PTPRA: variants seen among roughly 807,000 people sequenced by gnomAD.
PTPRA encodes protein tyrosine phosphatase receptor type A.
A neutral mutation model predicts 104.8 loss-of-function variants in PTPRA; 25 were observed. That is an observed-to-expected ratio of 0.24 (90% confidence interval 0.17 to 0.33). The LOEUF (loss-of-function observed/expected upper bound fraction) is 0.33, where lower values mean the gene tolerates loss of function less well. PTPRA is among the 10% of genes least tolerant of loss of function. The pLI is 1.00. For missense variants in PTPRA, 765 were observed against 1,015.3 expected, an observed-to-expected ratio of 0.75 and a Z score of 3.35; for synonymous variants, 323 against 368.9, an observed-to-expected ratio of 0.88 and a Z score of 1.43.
At chr20:2,988,172 C>T in intron 8 of PTPRA, 67 bp downstream of exon 8, 3 of 1,522,132 alleles carry the variant, frequency 2.0e-6, no homozygotes, top group Non-Finnish European at 2.7e-6. Flanking sequence ...AGGAGTTTCT[C>T]CATCCTTTTA....
At position 2,923,681 on chromosome 20, in the gene PTPRA, C is replaced by G. The variant is rs150146649; in HGVS notation, c.-50+396C>G. 3.0e-3 allele frequency among the ~76,000 whole-genome samples: 457 copies of G among 152,192 alleles called. 6 individuals carry two copies. The South Asian group carries it at 0.044, about 15-fold the overall frequency. On this transcript the variant is annotated intron_variant, in intron 2 of 23. Coordinates refer to ENST00000399903, the MANE Select transcript of PTPRA (RefSeq NM_001385305.1). The stretch of plus-strand genomic sequence containing the variant: ...AGATGTGGTGGCATGTGCCTGTAAT[C>G]CCAGCTACTCGGGAGGCTGAAGCAG...
At chr20:2,869,976 A>AT (rs1370374825), upstream of PTPRA, among the ~76,000 whole-genome samples, 36 of 150,950 alleles carry the variant, frequency 2.4e-4, no homozygotes, top group African/African-American at 7.8e-4. Flanking sequence ...TCTGTCTTAA[A>AT]AATATATATA....
upstream of PTPRA, among the ~76,000 whole-genome samples, chr20:2,869,936 T>A (rs1303583858): frequency 6.6e-6 from 1 of 151,322 alleles, no homozygotes; most frequent in Non-Finnish European, 1.5e-5. Context: ...AATGGCGCCA[T>A]TGCACTCCAG....
intron 9 of PTPRA, among the ~76,000 whole-genome samples, chr20:2,989,832 A>G (rs1310845798): frequency 6.6e-5 from 10 of 152,116 alleles, no homozygotes; most frequent in East Asian, 1.9e-4. Flanking sequence ...CCTGGCTAAC[A>G]CAGTGAAACC....
chr20:2,986,974 A>AT (rs546375215), intron 7 of PTPRA, 125 bp downstream of exon 7: 180 of 838,844 alleles, frequency 2.1e-4, no homozygotes, highest in Non-Finnish European at 3.1e-4. Flanking sequence ...GGAATGACCC[A>AT]TGATAGTGCT....
At chr20:3,002,720 G>A (rs1021552916) in intron 9 of PTPRA, among the ~76,000 whole-genome samples, 3 of 152,046 alleles carry the variant, frequency 2.0e-5, no homozygotes, top group Admixed American at 2.0e-4. Flanking sequence ...CTCCTCTCTA[G>A]TCCATTTTCC....
At chr20:2,868,531 T>C (rs1460940100), upstream of PTPRA, among the ~76,000 whole-genome samples, 4 of 148,636 alleles carry the variant, frequency 2.7e-5, no homozygotes, top group Admixed American at 6.8e-5. Context: ...GGAATCACAA[T>C]CTGGCACAGC....
Position 2,969,242 on chromosome 20 carries a change from G to T in PTPRA, c.415+4040G>T, listed in dbSNP as rs771182565. Reference sequence around the variant, plus strand: ...AAAAAAAATCAGTGACAAGTAAAAAGGTAGAATACCTTTTTTTTTTTCTTT... The same window carrying T: ...AAAAAAAATCAGTGACAAGTAAAAATGTAGAATACCTTTTTTTTTTTCTTT... On this transcript the variant is annotated intron_variant, in intron 5 of 23. Transcript: ENST00000399903. Among the ~76,000 whole-genome samples the T allele has an allele frequency of 5.3e-5, 6 of 114,138 alleles. No homozygotes were observed. In the Admixed American group the frequency reaches 5.7e-4, roughly 11 times the overall value. 74.9% of individuals were successfully genotyped at this position (114,138 alleles called of 152,430 possible).
intron 2 of PTPRA, among the ~76,000 whole-genome samples, chr20:2,946,704 C>T (rs944150000): frequency 1.1e-4 from 17 of 151,664 alleles, no homozygotes; most frequent in Non-Finnish European, 2.1e-4. Context: ...AAAAATTAGC[C>T]GGGCGTGGTG....
chr20:2,886,811 G>A (rs1395187192), intron 1 of PTPRA, among the ~76,000 whole-genome samples: 1 of 149,236 alleles, frequency 6.7e-6, no homozygotes, highest in African/African-American at 2.5e-5. Context: ...AGCCGAGATC[G>A]CACCATTGTA....
intron 3 of PTPRA, among the ~76,000 whole-genome samples, chr20:2,948,252 G>T (rs1429837843): frequency 6.6e-6 from 1 of 152,134 alleles, no homozygotes; most frequent in Non-Finnish European, 1.5e-5. Flanking sequence ...ACTACAATAG[G>T]CTCCAAAAAA....
chr20:3,002,417 C>G (rs2063676909), intron 9 of PTPRA, among the ~76,000 whole-genome samples: 1 of 151,052 alleles, frequency 6.6e-6, no homozygotes, highest in African/African-American at 2.4e-5. Flanking sequence ...ACCTCCATCT[C>G]CCGGGTTCAA....
intron 14 of PTPRA, 59 bp from the exon 15 acceptor site, chr20:3,021,995 C>T: frequency 6.3e-7 from 1 of 1,597,022 alleles, no homozygotes; most frequent in East Asian, 2.2e-5. Flanking sequence ...CCTTCCCTCC[C>T]CTGGTACTGC....
At chr20:2,910,989 C>G (rs2059704594) in intron 1 of PTPRA, among the ~76,000 whole-genome samples, 2 of 147,672 alleles carry the variant, frequency 1.4e-5, no homozygotes, top group African/African-American at 5.0e-5. Context: ...CTCCTGGGGT[C>G]AAACAGTGCT....
intron 17 of PTPRA, 94 bp downstream of exon 17, chr20:3,024,715 C>T: frequency 6.8e-7 from 1 of 1,472,026 alleles, no homozygotes; most frequent in Non-Finnish European, 9.4e-7. Context: ...AACAGTAAAT[C>T]CCCTTGTGAG....
At chr20:2,909,843 T>G (rs1315114953) in intron 1 of PTPRA, among the ~76,000 whole-genome samples, 4 of 125,066 alleles carry the variant, frequency 3.2e-5, no homozygotes, top group Non-Finnish European at 6.2e-5. Flanking sequence ...ATATATATAA[T>G]ATAAGATAAT....
chr20:2,982,637 G>C (rs893397268), intron 6 of PTPRA, among the ~76,000 whole-genome samples: 4 of 151,936 alleles, frequency 2.6e-5, no homozygotes, highest in African/African-American at 9.7e-5. Context: ...AGTGTGAGAG[G>C]TATTATCAAG....
intron 6 of PTPRA, among the ~76,000 whole-genome samples, chr20:2,976,830 G>A (rs1420215359): frequency 6.6e-6 from 1 of 152,162 alleles, no homozygotes; most frequent in Non-Finnish European, 1.5e-5. Context: ...ATGAATTAGG[G>A]GCTACCTGTT....
At chr20:2,965,772 A>G (rs2061923344) in intron 5 of PTPRA, among the ~76,000 whole-genome samples, 1 of 152,308 alleles carries the variant, frequency 6.6e-6, no homozygotes, top group South Asian at 2.1e-4. Context: ...AAATGGTTAC[A>G]TTGCAGTGCC....
Sources: allele counts gnomAD v4.1 joint callset (sites outside exome capture counted in the v4.1 genomes callset), GRCh38; gene constraint gnomAD v4.1.1; transcripts MANE v1.5; gene names NCBI Gene and HGNC (gene_info 2026-07-23, HGNC 2026-07-21).